The following CPLANE1 variants were observed in gnomAD, a reference collection of about 807,000 sequenced individuals.
CPLANE1 encodes the protein ciliogenesis and planar polarity effector 1.
CPLANE1 carries 263 observed loss-of-function variants against 362.5 expected under a neutral mutation model. That is an observed-to-expected ratio of 0.73 (90% CI 0.66 to 0.80). CPLANE1 has a LOEUF of 0.80. Ranked by LOEUF, CPLANE1 falls within the 30% of genes least tolerant of loss-of-function variation. The probability of loss-of-function intolerance (pLI) is 0.00; values close to 1 mark genes in which losing one functional copy is unlikely to be tolerated. For synonymous variants in CPLANE1, 1,212 were observed against 1,302.6 expected (o/e 0.93, Z 1.50); for missense variants, 3,461 against 3,793.4 (o/e 0.91, Z 2.30).
chr5:37,120,179 C>T, intron 50 of CPLANE1, 37 bp downstream of exon 50: 1 of 1,582,764 alleles, frequency 6.3e-7, no homozygotes, highest in Non-Finnish European at 8.5e-7. Flanking sequence ...GGAATAGGTC[C>T]AAATCAGACA....
chr5:37,075,693 T>TGTCA, the CPLANE1 span, among the ~76,000 whole-genome samples: 5 of 152,246 alleles, frequency 3.3e-5, no homozygotes, highest in East Asian at 9.7e-4. Context: ...ACAGCTTTAT[T>TGTCA]GTCAGTAGAG....
chr5:37,210,393 CAA>C, intron 16 of CPLANE1: 11 of 1,019,158 alleles, frequency 1.1e-5, no homozygotes, highest in Non-Finnish European at 1.7e-5. Context: ...GACCTATGAC[CAA>C]AAACTCAAGA....
chr5:37,141,463 A>C, intron 44 of CPLANE1: 4 of 984,174 alleles, frequency 4.1e-6, no homozygotes, highest in Non-Finnish European at 4.8e-6. Flanking sequence ...TTATCCCCAT[A>C]TGTTGATGAC....
rs1381387295 is a variant in CPLANE1 at position 37,208,682 on chromosome 5, C to T, written c.2921-2257G>A. ...ATAGAGCAAGACTCTGTCTCCCCCC[C>T]CCCCCAAAAAAAAAAAAGAGTTCAG... On this transcript the variant is annotated intron_variant, in intron 16 of 52. Transcript: ENST00000651892. Among the ~76,000 whole-genome samples, 18 of 118,042 alleles carry T rather than the reference C, an allele frequency of 1.5e-4. 1 individual carries two copies. Among genetic ancestry groups the T allele is most frequent in the East Asian group, 5.3e-4 (2 of 3,780 alleles). The allele number at this position is 118,042 out of a possible 152,430, so 77.4% of individuals were successfully genotyped here.
intron 1 of CPLANE1, among the ~76,000 whole-genome samples, chr5:37,248,416 C>T (rs1268541177): frequency 6.6e-6 from 1 of 152,154 alleles, no homozygotes; most frequent in Non-Finnish European, 1.5e-5. Flanking sequence ...AGGCGTGATC[C>T]ACTGTGCCCG....
chr5:37,213,599 A>G lies in CPLANE1; in HGVS notation c.2880T>C (p.Pro960=). The change falls in exon 16 of 53, where the codon CCT becomes CCC. Residue 960 remains proline, a synonymous_variant. Coordinates refer to ENST00000651892, the MANE Select transcript of CPLANE1 (RefSeq NM_001384732.1). The stretch of plus-strand genomic sequence containing the variant: ...GTGGGGGAAGAACATTCACATGATG[A>G]GGGGGCAAAATGCAAAGCTGCTGAT... ...FTNQQLCILP[P]HHVNVLPPLH... is the part of the protein sequence containing the mutation. 1.3e-6 allele frequency: 2 copies of G among 1,547,736 alleles called. No homozygotes were observed. Among genetic ancestry groups the G allele is most frequent in the Non-Finnish European group, 1.7e-6 (2 of 1,144,528 alleles).
intron 8 of CPLANE1, among the ~76,000 whole-genome samples, chr5:37,237,618 G>A (rs1424613720): frequency 2.0e-5 from 3 of 152,204 alleles, no homozygotes; most frequent in Non-Finnish European, 4.4e-5. Context: ...AGGCCAAGGC[G>A]AGTGGATCAC....
chr5:37,138,817 A>G lies in CPLANE1; in HGVS notation c.8695T>C (p.Leu2899=), dbSNP rs1316964259. The stretch of plus-strand genomic sequence containing the variant: ...TCAATAATGTCTGCAATATCAGTCA[A>G]TCCAGTCATCTGGAGCGGATGTACT... ...VSVHPLQMTG[L]TDIADIIDDL... is the part of the protein sequence containing the mutation. Residue 2899 remains leucine, a synonymous_variant, in exon 46 of 53, where the codon TTG becomes CTG. Transcript: ENST00000651892. The G allele has an allele frequency of 1.2e-6, 2 of 1,611,832 alleles. No individual in the cohort carries two copies. Among genetic ancestry groups the G allele is most frequent in the South Asian group, 1.1e-5 (1 of 90,350 alleles).
intron 46 of CPLANE1, among the ~76,000 whole-genome samples, chr5:37,133,351 A>T (rs1766553412): frequency 6.6e-6 from 1 of 152,156 alleles, no homozygotes; most frequent in Admixed American, 6.5e-5. Flanking sequence ...TTGAATCTAT[A>T]GATTGCTTTG....
At chr5:37,238,803 C>A in intron 8 of CPLANE1, 54 bp downstream of exon 8, 2 of 977,078 alleles carry the variant, frequency 2.0e-6, no homozygotes, top group South Asian at 1.9e-5. Flanking sequence ...CTGACAGAGA[C>A]CCATCTCTTT....
At chr5:37,245,131 G>A (rs1379458826) in intron 4 of CPLANE1, among the ~76,000 whole-genome samples, 2 of 150,022 alleles carry the variant, frequency 1.3e-5, no homozygotes, top group Middle Eastern at 3.4e-3. Flanking sequence ...GCGACAGAGC[G>A]AGACTCCGTC....
At position 37,187,485 on chromosome 5, in the gene CPLANE1, A is replaced by G. The variant is rs775061417; in HGVS notation, c.4009T>C (p.Phe1337Leu). ...TGAATAAGTTCTTCCATATTAAAAA[A>G]CCGAGAGAAAGGCAGCATTCTATAA... Reference protein sequence around the residue: ...WAYRMLPFSRFFNMEELIQDI... With the variant: ...WAYRMLPFSRLFNMEELIQDI... The change falls in exon 23 of 53, where the codon TTT becomes CTT. Residue 1337 changes from phenylalanine (F) to leucine (L), a missense_variant. Physicochemically the swap from Phe to Leu is conservative, Grantham distance 22. Transcript: ENST00000651892. The G allele has an allele frequency of 2.5e-6, 4 of 1,613,842 alleles. No individual in the cohort carries two copies. In the Admixed American group the frequency reaches 5.0e-5, roughly 20 times the overall value.
At chr5:37,222,777 GC>G (rs1472338395) in intron 14 of CPLANE1, among the ~76,000 whole-genome samples, 1 of 152,122 alleles carries the variant, frequency 6.6e-6, no homozygotes, top group Non-Finnish European at 1.5e-5. Context: ...GACTGATCAA[GC>G]CTATTAAATA....
intron 8 of CPLANE1, among the ~76,000 whole-genome samples, chr5:37,234,890 C>T (rs1369446281): frequency 2.0e-5 from 3 of 152,112 alleles, no homozygotes; most frequent in Admixed American, 6.5e-5. Flanking sequence ...TCTTAATAGA[C>T]GTTGTTCTGT....
intron 30 of CPLANE1, among the ~76,000 whole-genome samples, chr5:37,176,706 AG>A (rs776903602): frequency 2.6e-4 from 39 of 152,182 alleles, no homozygotes; most frequent in Non-Finnish European, 4.4e-4. Flanking sequence ...AACTGTCCAC[AG>A]AAAAACTAAC....
chr5:37,213,438 T>C (rs1238282532), intron 16 of CPLANE1, 121 bp downstream of exon 16: 2 of 576,252 alleles, frequency 3.5e-6, no homozygotes, highest in Non-Finnish European at 5.3e-6. Context: ...AATCACCTCC[T>C]ATGTTTCAGA....
chr5:37,210,763 G>C (rs1056751636), intron 16 of CPLANE1: 3 of 1,516,008 alleles, frequency 2.0e-6, no homozygotes, highest in Non-Finnish European at 2.7e-6. Flanking sequence ...GAAAACTTGC[G>C]TCTCCTAAAC....
chr5:37,121,541 G>T, intron 49 of CPLANE1, 76 bp downstream of exon 49: 1 of 1,361,166 alleles, frequency 7.3e-7, no homozygotes, highest in Non-Finnish European at 1.0e-6. Flanking sequence ...ACTGAACTTA[G>T]GTCACGAAAG....
chr5:37,177,577 G>A (rs762474095), intron 30 of CPLANE1, 44 bp downstream of exon 30: 9 of 1,403,598 alleles, frequency 6.4e-6, no homozygotes, highest in Non-Finnish European at 9.1e-6. Flanking sequence ...AAGCTTCACT[G>A]AGGTAACCAG....
Sources: allele counts gnomAD v4.1 joint callset (sites outside exome capture counted in the v4.1 genomes callset), GRCh38; gene constraint gnomAD v4.1.1; transcripts MANE v1.5; gene names NCBI Gene and HGNC (gene_info 2026-07-23, HGNC 2026-07-21).